SLC6A3: variants seen among roughly 807,000 people sequenced by gnomAD.
SLC6A3 encodes solute carrier family 6 member 3.
In SLC6A3, 19 loss-of-function variants were observed where a neutral mutation model predicts 70.4. The ratio of observed to expected loss-of-function variants is 0.27; its 90% CI spans 0.19 to 0.40. The LOEUF is 0.40. SLC6A3 is among the 10% of genes least tolerant of loss of function. The pLI, the probability that SLC6A3 is intolerant of heterozygous loss-of-function variation, is 1.00. For synonymous variants in SLC6A3, 368 were observed against 356.6 expected, an observed-to-expected ratio of 1.03 and a Z score of -0.36; for missense variants, 613 against 838.5, an observed-to-expected ratio of 0.73 and a Z score of 3.32.
At position 1,411,676 on chromosome 5, in the gene SLC6A3, T is replaced by C. The variant is rs1220221381; in HGVS notation, c.1157-321A>G. ...GAAACAAGGAGGAGCAGGAGGGGCT[T>C]CCAGGCTGGTCCTGCCCTTCATCCC... On this transcript the variant is annotated intron_variant, in intron 8 of 14. Transcript: ENST00000270349. This position sits in a 1 kb window ranked among gnomAD's most constrained non-coding sequence, Gnocchi z 6.5. Among the ~76,000 whole-genome samples the C allele has an allele frequency of 6.6e-6, 1 of 152,214 alleles. No homozygotes were observed. Among genetic ancestry groups the C allele is most frequent in the East Asian group, 1.9e-4 (1 of 5,202 alleles).
rs1244778138 is a variant in SLC6A3 at position 1,396,096 on chromosome 5, G to T, written c.1840-1338C>A. On this transcript the variant is annotated intron_variant, in intron 14 of 14. Transcript: ENST00000270349. The surrounding 1 kb of genome is among the most constrained non-coding windows in gnomAD (Gnocchi z 7.0). ...AGTGATGAGAATTTCACAAGAAACA[G>T]CAGAGCACACGCAGCTTCCAGAGAT... is the stretch of plus-strand genomic sequence containing the variant. 2.6e-5 allele frequency among the ~76,000 whole-genome samples: 4 copies of T among 152,178 alleles called. No homozygotes were observed. Among genetic ancestry groups the T allele is most frequent in the Non-Finnish European group, 5.9e-5 (4 of 68,038 alleles).
chr5:1,399,169 C>T (rs1438676866), intron 14 of SLC6A3, among the ~76,000 whole-genome samples: 1 of 151,964 alleles, frequency 6.6e-6, no homozygotes, highest in Non-Finnish European at 1.5e-5. Context: ...AAATTAAAAA[C>T]AAAAAGATGA....
rs1263053188 is a variant in SLC6A3 at position 1,438,076 on chromosome 5, C to T, written c.418+3283G>A. On this transcript the variant is annotated intron_variant, in intron 3 of 14. Transcript: ENST00000270349. This position sits in a 1 kb window ranked among gnomAD's most constrained non-coding sequence, Gnocchi z 6.5. ...AACGGGACGCTGGCACCGGAACCTG[C>T]AGCGTTACTGAGATTCAACAACTCA... 1.3e-5 allele frequency among the ~76,000 whole-genome samples: 2 copies of T among 152,344 alleles called. No homozygotes were observed. Among genetic ancestry groups the T allele is most frequent in the Non-Finnish European group, 2.9e-5 (2 of 68,046 alleles).
At position 1,442,317 on chromosome 5, in the gene SLC6A3, C is replaced by T. The variant is rs370038065; in HGVS notation, c.286+595G>A. ...CAGATTCTTCCCCAGGCCTCCCTTC[C>T]CAGACCTAGCATAGAGGCCAATGAG... On this transcript the variant is annotated intron_variant, in intron 2 of 14. Transcript: ENST00000270349. The surrounding 1 kb of genome is among the most constrained non-coding windows in gnomAD (Gnocchi z 5.0). 1.3e-5 allele frequency among the ~76,000 whole-genome samples: 2 copies of T among 152,288 alleles called. No individual in the cohort carries two copies. The highest frequency in any genetic ancestry group is 4.1e-4 in the South Asian group (2 of 4,826).
chr5:1,414,868 A>G, intron 7 of SLC6A3, 53 bp from the exon 8 acceptor site: 1 of 1,610,488 alleles, frequency 6.2e-7, no homozygotes, highest in Non-Finnish European at 8.5e-7. Context: ...CAGCAGCTGC[A>G]ATTTTCCAGT....
At chr5:1,428,205 C>T (rs1018604166) in intron 4 of SLC6A3, among the ~76,000 whole-genome samples, 1 of 152,064 alleles carries the variant, frequency 6.6e-6, no homozygotes, top group Non-Finnish European at 1.5e-5. Flanking sequence ...TAGCAAACTT[C>T]CAAATATTTC....
In SLC6A3 at chr5:1,411,243, G is replaced by C. The variant is rs200757674; in HGVS notation, c.1269C>G (p.Ala423=). 5.2e-6 allele frequency: 8 copies of C among 1,546,414 alleles called. No homozygotes were observed. Among genetic ancestry groups the C allele is most frequent in the Non-Finnish European group, 7.0e-6 (8 of 1,143,088 alleles). ...IMLLTLGIDS[A]MGGMESVITG... is the part of the protein sequence containing the mutation. The stretch of plus-strand genomic sequence containing the variant: ...GGGCCGGGCGGTGCGGGTTACTCAC[G>C]GCGCTGTCGATACCCAGGGTGAGCA... The change falls in exon 9 of 15, where the codon GCC becomes GCG. Residue 423 remains alanine, a splice_region_variant and synonymous_variant. Transcript: ENST00000270349. This position sits in a 1 kb window ranked among gnomAD's most constrained non-coding sequence, Gnocchi z 6.5.
chr5:1,395,041 C>T (rs1464810726), intron 14 of SLC6A3, among the ~76,000 whole-genome samples: 1 of 152,180 alleles, frequency 6.6e-6, no homozygotes. Context: ...GCCTCTGGGG[C>T]GTATTGATCA....
intron 11 of SLC6A3, among the ~76,000 whole-genome samples, chr5:1,407,205 G>A (rs977261297): frequency 5.9e-5 from 9 of 152,182 alleles, no homozygotes; most frequent in Non-Finnish European, 4.4e-5. Context: ...TCTGTGACTC[G>A]TGTGACCGCG....
chr5:1,439,975 G>A (rs1756935806), intron 3 of SLC6A3, among the ~76,000 whole-genome samples: 2 of 152,202 alleles, frequency 1.3e-5, no homozygotes, highest in South Asian at 4.1e-4. Flanking sequence ...CCCTTCCCAG[G>A]GTCTCATGAA....
chr5:1,420,427 G>A (rs1196765091), intron 6 of SLC6A3, 142 bp downstream of exon 6: 5 of 875,754 alleles, frequency 5.7e-6, no homozygotes. Flanking sequence ...TGTATCACAG[G>A]TACTTGGGAT....
intron 14 of SLC6A3, among the ~76,000 whole-genome samples, chr5:1,400,604 G>A (rs1158335007): frequency 2.0e-5 from 3 of 152,156 alleles, no homozygotes; most frequent in Admixed American, 6.5e-5. Context: ...TCCTTAACCT[G>A]GCTCAGCTGG....
rs1210402764 is a variant in SLC6A3 at position 1,394,462 on chromosome 5, G to GT, written c.*272dup. 4 of 581,852 alleles carry GT rather than the reference G, an allele frequency of 6.9e-6. No individual in the cohort carries two copies. In the African/African-American group the frequency reaches 7.5e-5, roughly 11 times the overall value. 36.0% of individuals were successfully genotyped at this position (581,852 alleles called of 1,614,324 possible). On this transcript the variant is annotated 3_prime_UTR_variant, in exon 15 of 15. Transcript: ENST00000270349. This position sits in a 1 kb window ranked among gnomAD's most constrained non-coding sequence, Gnocchi z 4.7. ...TCACACAGACAGCATGAAGTTAGAC[G>GT]TTTTTCTGCCCTGCAGGGACAACAA...
At position 1,406,737 on chromosome 5, in the gene SLC6A3, C is replaced by T. The variant is rs927643818; in HGVS notation, c.1499-449G>A. ...TCACATACTGTGTAACCGTCACCAC[C>T]GTCCATCTTCAGAACTCCATCCTCC... On this transcript the variant is annotated intron_variant, in intron 11 of 14. Coordinates refer to ENST00000270349, the MANE Select transcript of SLC6A3 (RefSeq NM_001044.5). This position sits in a 1 kb window ranked among gnomAD's most constrained non-coding sequence, Gnocchi z 8.8. 2.2e-4 allele frequency among the ~76,000 whole-genome samples: 33 copies of T among 152,150 alleles called. No individual in the cohort carries two copies. The highest frequency in any genetic ancestry group is 3.4e-4 in the African/African-American group (14 of 41,422).
intron 1 of SLC6A3, among the ~76,000 whole-genome samples, chr5:1,445,047 A>G (rs1007702865): frequency 6.6e-6 from 1 of 152,138 alleles, no homozygotes; most frequent in African/African-American, 2.4e-5. Flanking sequence ...AGTCACAGCC[A>G]TAGACACCCA....
chr5:1,403,823 C>T (rs1755908180), intron 12 of SLC6A3, among the ~76,000 whole-genome samples: 1 of 152,156 alleles, frequency 6.6e-6, no homozygotes, highest in Non-Finnish European at 1.5e-5. Context: ...GGGAAGCTTC[C>T]CACTCTCCAG....
rs1318312864 is a variant in SLC6A3, at chr5:1,394,406, C to CTGGGAG, written c.*328_*329insCTCCCA. 199 of 495,922 alleles carry CTGGGAG rather than the reference C, an allele frequency of 4.0e-4. 1 individual carries two copies. The East Asian group carries it at 5.3e-3, about 13-fold the overall frequency. 30.7% of individuals were successfully genotyped at this position (495,922 alleles called of 1,614,324 possible). Reference sequence around the variant, plus strand: ...CAGTGCCCCTGGGGCAGCCTCAGAGCCGGGAGCAGGGAGCAGGGAGGGAGG... The same window carrying CTGGGAG: ...CAGTGCCCCTGGGGCAGCCTCAGAGCTGGGAGCGGGAGCAGGGAGCAGGGAGGGAGG... On this transcript the variant is annotated 3_prime_UTR_variant, in exon 15 of 15. Coordinates refer to ENST00000270349, the MANE Select transcript of SLC6A3 (RefSeq NM_001044.5). This position sits in a 1 kb window ranked among gnomAD's most constrained non-coding sequence, Gnocchi z 4.7.
intron 14 of SLC6A3, among the ~76,000 whole-genome samples, chr5:1,399,713 T>C (rs1755799803): frequency 6.6e-6 from 1 of 152,122 alleles, no homozygotes; most frequent in South Asian, 2.1e-4. Context: ...GGCAAGTCAC[T>C]GGGAGGACAG....
chr5:1,406,418 T>C lies in SLC6A3; in HGVS notation c.1499-130A>G. ...CCCCAGGCTTCGGCTGCACCCAGCCTCCTGCAGAGGAGGCCAGGCCACACC... is the reference window on the plus strand; with the variant it reads ...CCCCAGGCTTCGGCTGCACCCAGCCCCCTGCAGAGGAGGCCAGGCCACACC... On this transcript the variant is annotated intron_variant, in intron 11 of 14. Transcript: ENST00000270349. The surrounding 1 kb of genome is among the most constrained non-coding windows in gnomAD (Gnocchi z 8.8). 1 of 803,006 alleles carries C rather than the reference T, an allele frequency of 1.2e-6. No individual in the cohort carries two copies. Among genetic ancestry groups the C allele is most frequent in the Non-Finnish European group, 2.1e-6 (1 of 466,484 alleles). 49.7% of individuals were successfully genotyped at this position (803,006 alleles called of 1,614,324 possible). A position where few individuals can be genotyped will look rare whatever the true frequency, so the allele number is the denominator to read the frequency against.
Sources: allele counts gnomAD v4.1 joint callset (sites outside exome capture counted in the v4.1 genomes callset), GRCh38; gene constraint gnomAD v4.1.1; non-coding constraint Gnocchi (gnomAD v3.1); transcripts MANE v1.5; gene names NCBI Gene and HGNC (gene_info 2026-07-23, HGNC 2026-07-21).